C1QTNF3: variants seen among roughly 807,000 people sequenced by gnomAD.
The protein encoded by C1QTNF3 is C1q and TNF related 3.
In C1QTNF3, 26 loss-of-function variants were observed where a neutral mutation model predicts 32.6. The ratio of observed to expected loss-of-function variants is 0.80; its 90% CI spans 0.58 to 1.11. The LOEUF (loss-of-function observed/expected upper bound fraction) is 1.11. Among genes scored for constraint, C1QTNF3 ranks in the 50% least tolerant of loss-of-function variants. The pLI, the probability that C1QTNF3 is intolerant of heterozygous loss-of-function variation, is 0.00. For missense variants in C1QTNF3, 362 were observed against 398.2 expected (o/e 0.91, Z 0.77); for synonymous variants, 155 against 146.0 (o/e 1.06, Z -0.44).
chr5:34,092,908 AAATTTT>A, the C1QTNF3 span, among the ~76,000 whole-genome samples: 1 of 152,118 alleles, frequency 6.6e-6, no homozygotes, highest in East Asian at 1.9e-4. Context: ...TCTTGCTGTT[AAATTTT>A]ATTTTAGAGA....
the C1QTNF3 span, among the ~76,000 whole-genome samples, chr5:34,083,169 T>C: frequency 2.0e-5 from 3 of 151,258 alleles, no homozygotes; most frequent in Non-Finnish European, 4.4e-5. Context: ...GGGAATTATA[T>C]AAAAGAGTGG....
At chr5:34,138,526 A>C in the C1QTNF3 span, among the ~76,000 whole-genome samples, 9 of 152,060 alleles carry the variant, frequency 5.9e-5, no homozygotes, top group African/African-American at 2.2e-4. Flanking sequence ...AATTTAATTG[A>C]CTTTCTGAAG....
chr5:34,176,823 C>A, the C1QTNF3 span, among the ~76,000 whole-genome samples: 1 of 151,714 alleles, frequency 6.6e-6, no homozygotes, highest in African/African-American at 2.4e-5. Context: ...CACCACTACA[C>A]TCCAGCCTGG....
the C1QTNF3 span, chr5:34,164,744 T>C: frequency 6.6e-6 from 1 of 151,974 alleles, no homozygotes; most frequent in Non-Finnish European, 1.5e-5. Context: ...ACAGTAATTA[T>C]TATATACATT....
chr5:34,023,957 A>G lies in C1QTNF3; in HGVS notation c.752T>C (p.Val251Ala). Residue 251 changes from valine (V) to alanine (A), a missense_variant, in exon 5 of 6, where the codon GTG becomes GCG. Transcript: ENST00000382065. ...SMMKHEDVEE[V>A]YVYLMHNGNT... ...GCCATTGTGCATAAGGTACACATAC[A>G]CTTCCTCAACATCCTCATGCTTCAT... is the stretch of plus-strand genomic sequence containing the variant. The G allele has an allele frequency of 6.2e-7, 1 of 1,614,192 alleles. No homozygotes were observed. Among genetic ancestry groups the G allele is most frequent in the Non-Finnish European group, 8.5e-7 (1 of 1,180,024 alleles).
the C1QTNF3 span, among the ~76,000 whole-genome samples, chr5:34,176,451 G>A: frequency 3.4e-5 from 5 of 148,756 alleles, no homozygotes; most frequent in Non-Finnish European, 7.4e-5. Flanking sequence ...ATGTAACCCA[G>A]AATTAAAAAG....
At chr5:34,029,561 C>T (rs1315788747) in intron 3 of C1QTNF3, among the ~76,000 whole-genome samples, 1 of 152,122 alleles carries the variant, frequency 6.6e-6, no homozygotes. Flanking sequence ...AAAAAGTAGA[C>T]AACACAAGAT....
At chr5:34,210,777 T>A in the C1QTNF3 span, among the ~76,000 whole-genome samples, 1 of 152,116 alleles carries the variant, frequency 6.6e-6, no homozygotes, top group Non-Finnish European at 1.5e-5. Flanking sequence ...ACTATATAGC[T>A]GTCCCTAAAA....
At chr5:34,183,315 T>C in the C1QTNF3 span, among the ~76,000 whole-genome samples, 1 of 152,214 alleles carries the variant, frequency 6.6e-6, no homozygotes, top group East Asian at 1.9e-4. Flanking sequence ...TTTAATTTAA[T>C]TTTTTAATTT....
chr5:34,020,873 A>G, intron 5 of C1QTNF3, 131 bp from the exon 6 acceptor site: 1 of 899,596 alleles, frequency 1.1e-6, no homozygotes, highest in Non-Finnish European at 1.7e-6. Context: ...ACAGCCTGTG[A>G]GCAGAAATGA....
At chr5:34,073,932 T>C in the C1QTNF3 span, among the ~76,000 whole-genome samples, 1,523 of 152,326 alleles carry the variant, frequency 1.0e-2, 30 homozygotes, top group African/African-American at 0.035. Context: ...TTGATTCCTA[T>C]AACCAGGACT....
At chr5:34,168,284 C>CGTGTGTGTGTGTGTGT in the C1QTNF3 span, 3 of 136,738 alleles carry the variant, frequency 2.2e-5, no homozygotes, top group African/African-American at 7.8e-5. Context: ...TGTGTGCATG[C>CGTGTGTGTGTGTGTGT]GTGTGTGTGT....
chr5:34,175,552 A>G, the C1QTNF3 span: 12 of 334,544 alleles, frequency 3.6e-5, no homozygotes, highest in African/African-American at 8.5e-5. Flanking sequence ...GAAATAGACA[A>G]GAAAAAGGCA....
At chr5:34,154,613 C>G in the C1QTNF3 span, among the ~76,000 whole-genome samples, 2 of 152,130 alleles carry the variant, frequency 1.3e-5, no homozygotes, top group African/African-American at 4.8e-5. Context: ...AATAAATACA[C>G]ATTTGAAATG....
chr5:34,036,398 G>A (rs1392257271), intron 1 of C1QTNF3, among the ~76,000 whole-genome samples: 3 of 151,998 alleles, frequency 2.0e-5, no homozygotes, highest in Admixed American at 6.6e-5. Context: ...TATTTATCAC[G>A]TATAACATGT....
upstream of C1QTNF3, among the ~76,000 whole-genome samples, chr5:34,045,876 T>A (rs1307624779): frequency 6.6e-6 from 1 of 152,136 alleles, no homozygotes; most frequent in Non-Finnish European, 1.5e-5. Context: ...GGTTGGATTA[T>A]GTACCCCCAA....
At chr5:34,097,040 T>G in the C1QTNF3 span, among the ~76,000 whole-genome samples, 1 of 151,892 alleles carries the variant, frequency 6.6e-6, no homozygotes, top group Non-Finnish European at 1.5e-5. Context: ...TTTAGCCAAA[T>G]TCACACTGCA....
chr5:34,126,788 A>G, the C1QTNF3 span, among the ~76,000 whole-genome samples: 9 of 152,234 alleles, frequency 5.9e-5, no homozygotes, highest in East Asian at 1.7e-3. Flanking sequence ...GTCATCTGCA[A>G]CAAAATGAAT....
At chr5:34,108,170 T>G in the C1QTNF3 span, among the ~76,000 whole-genome samples, 1 of 152,124 alleles carries the variant, frequency 6.6e-6, no homozygotes, top group Non-Finnish European at 1.5e-5. Context: ...CAACATGTTT[T>G]TTTGTTATCG....
Sources: gnomAD v4.1 joint callset for allele counts (sites outside exome capture counted in the v4.1 genomes callset) on GRCh38, gnomAD v4.1.1 for gene constraint, MANE v1.5 for transcripts, NCBI Gene and HGNC (gene_info 2026-07-23, HGNC 2026-07-21) for gene names.